The following PCDHA13 variants were observed in gnomAD, a reference collection of about 807,000 sequenced individuals.
The protein encoded by PCDHA13 is protocadherin alpha 13.
In PCDHA13, 54 loss-of-function variants were observed where a neutral mutation model predicts 64.8. That is an observed-to-expected ratio of 0.83 (90% CI 0.67 to 1.04). The LOEUF (loss-of-function observed/expected upper bound fraction) is 1.04, where lower values mean the gene tolerates loss of function less well. Among genes scored for constraint, PCDHA13 ranks in the 50% least tolerant of loss-of-function variants. The pLI is 0.00. For missense variants in PCDHA13, 1,248 were observed against 1,254.3 expected (o/e 0.99, Z 0.08); for synonymous variants, 587 against 564.4 (o/e 1.04, Z -0.57).
intron 1 of PCDHA13, among the ~76,000 whole-genome samples, chr5:140,976,117 G>C (rs782098917): frequency 5.4e-4 from 82 of 152,208 alleles, no homozygotes; most frequent in Admixed American, 1.4e-3. Flanking sequence ...ATTTTTCCAA[G>C]TTTAATCAAG....
At position 140,883,960 on chromosome 5, in the gene PCDHA13, G is replaced by A. The variant is rs2059914384; in HGVS notation, c.1692G>A (p.Ala564=). Reference sequence around the variant, plus strand: ...TGGACGAGAACGACAACGCTCCGGCGCTGCTGACGCCCGGGGCTGGCAGCG... The same window carrying A: ...TGGACGAGAACGACAACGCTCCGGCACTGCTGACGCCCGGGGCTGGCAGCG... ...FVLDENDNAP[A]LLTPGAGSAG... is the part of the protein sequence containing the mutation. Residue 564 remains alanine, a synonymous_variant, in exon 1 of 4, where the codon GCG becomes GCA. Transcript: ENST00000289272. The A allele has an allele frequency of 6.2e-7, 1 of 1,613,090 alleles. No individual in the cohort carries two copies.
chr5:141,004,500 T>C (rs1481568200), intron 3 of PCDHA13, among the ~76,000 whole-genome samples: 1 of 152,242 alleles, frequency 6.6e-6, no homozygotes, highest in Non-Finnish European at 1.5e-5. Context: ...GCAGTCCTGC[T>C]GTGAGGGGCT....
At chr5:141,002,134 C>T (rs1477082485) in intron 3 of PCDHA13, among the ~76,000 whole-genome samples, 1 of 152,216 alleles carries the variant, frequency 6.6e-6, no homozygotes, top group African/African-American at 2.4e-5. Flanking sequence ...TAGCCTTTGC[C>T]GGCTGCACTG....
At chr5:140,912,908 A>T (rs986770915) in intron 1 of PCDHA13, among the ~76,000 whole-genome samples, 8 of 152,188 alleles carry the variant, frequency 5.3e-5, no homozygotes, top group African/African-American at 1.9e-4. Flanking sequence ...TATCATATTG[A>T]TTGATTTGTG....
intron 1 of PCDHA13, among the ~76,000 whole-genome samples, chr5:140,948,500 T>C (rs1482428616): frequency 6.6e-6 from 1 of 151,662 alleles, no homozygotes; most frequent in Non-Finnish European, 1.5e-5. Context: ...TCATAGACTT[T>C]CTATTAAAAA....
chr5:140,932,406 T>C (rs1235222855), intron 1 of PCDHA13, among the ~76,000 whole-genome samples: 1 of 151,924 alleles, frequency 6.6e-6, no homozygotes, highest in East Asian at 1.9e-4. Flanking sequence ...CATACCAATG[T>C]TATATTAGTG....
At chr5:140,951,936 C>G (rs2153694375) in intron 1 of PCDHA13, among the ~76,000 whole-genome samples, 1 of 152,278 alleles carries the variant, frequency 6.6e-6, no homozygotes, top group Admixed American at 6.5e-5. Context: ...TCCCAAGATA[C>G]AGTGCGGGTA....
intron 2 of PCDHA13, among the ~76,000 whole-genome samples, chr5:140,979,246 C>A (rs944063929): frequency 2.0e-5 from 3 of 152,206 alleles, no homozygotes; most frequent in African/African-American, 7.2e-5. Context: ...AAACAGGCTG[C>A]TATGTATTTT....
intron 1 of PCDHA13, among the ~76,000 whole-genome samples, chr5:140,920,592 T>C (rs1226483981): frequency 6.6e-6 from 1 of 152,158 alleles, no homozygotes; most frequent in Non-Finnish European, 1.5e-5. Flanking sequence ...ACGCCTGTAA[T>C]CCCAGCACTT....
At chr5:141,006,662 G>A (rs1198129323) in intron 3 of PCDHA13, among the ~76,000 whole-genome samples, 1 of 152,192 alleles carries the variant, frequency 6.6e-6, no homozygotes, top group Admixed American at 6.5e-5. Context: ...TCCTGAAAGA[G>A]TGGTGGCAGT....
intron 1 of PCDHA13, chr5:140,926,696 C>A: frequency 1.3e-6 from 1 of 771,792 alleles, no homozygotes; most frequent in Non-Finnish European, 1.9e-6. Context: ...GCAAGCCCGG[C>A]TCCCAGCTGG....
intron 1 of PCDHA13, among the ~76,000 whole-genome samples, chr5:140,912,539 T>C (rs2075967162): frequency 6.6e-6 from 1 of 152,172 alleles, no homozygotes; most frequent in Non-Finnish European, 1.5e-5. Flanking sequence ...CATGATCATA[T>C]TGTCAGCAAA....
chr5:140,928,014 G>A (rs1554205371), intron 1 of PCDHA13: 1 of 1,614,150 alleles, frequency 6.2e-7, no homozygotes, highest in Non-Finnish European at 8.5e-7. Flanking sequence ...CTAATGGTAG[G>A]GTCATTTGTG....
chr5:140,884,679 A>C lies in PCDHA13; in HGVS notation c.2394+17A>C, dbSNP rs782535862. 12 of 1,551,914 alleles carry C rather than the reference A, an allele frequency of 7.7e-6. No homozygotes were observed. The highest frequency in any genetic ancestry group is 8.7e-6 in the Non-Finnish European group (10 of 1,150,326). On this transcript the variant is annotated intron_variant, in intron 1 of 3. Transcript: ENST00000289272. ...TTGAAAGAGGTAAGCTTATATTTTA[A>C]AAAATTGTCTTAGTAAACACTTTAG...
chr5:140,920,511 A>G (rs564811520), intron 1 of PCDHA13, among the ~76,000 whole-genome samples: 1 of 152,284 alleles, frequency 6.6e-6, no homozygotes, highest in East Asian at 1.9e-4. Flanking sequence ...ATACTGTTTT[A>G]TGCAATTCGT....
intron 1 of PCDHA13, among the ~76,000 whole-genome samples, chr5:140,973,344 A>G (rs1389229715): frequency 1.3e-5 from 2 of 152,258 alleles, no homozygotes; most frequent in African/African-American, 2.4e-5. Flanking sequence ...AAAGTGACAT[A>G]GTAGTGAATT....
At chr5:140,958,597 G>A (rs551005076) in intron 1 of PCDHA13, among the ~76,000 whole-genome samples, 60 of 152,170 alleles carry the variant, frequency 3.9e-4, no homozygotes, top group African/African-American at 1.4e-3. Context: ...ATGATAATTG[G>A]ATCAAAGGAA....
intron 1 of PCDHA13, among the ~76,000 whole-genome samples, chr5:140,936,113 G>A (rs1316824905): frequency 2.0e-5 from 3 of 151,964 alleles, no homozygotes; most frequent in South Asian, 2.1e-4. Context: ...GGCTGGTCTC[G>A]AACTCCTGAC....
intron 1 of PCDHA13, among the ~76,000 whole-genome samples, chr5:140,889,411 T>A (rs1262087176): frequency 6.6e-6 from 1 of 152,020 alleles, no homozygotes; most frequent in Non-Finnish European, 1.5e-5. Flanking sequence ...CTCGAGTCAG[T>A]TACGTAGATA....
Sources: allele counts gnomAD v4.1 joint callset (sites outside exome capture counted in the v4.1 genomes callset), GRCh38; gene constraint gnomAD v4.1.1; transcripts MANE v1.5; gene names NCBI Gene and HGNC (gene_info 2026-07-23, HGNC 2026-07-21).